ABLIM2: variants seen among roughly 807,000 people sequenced by gnomAD.
ABLIM2 encodes actin-binding LIM protein 2.
Under a neutral mutation model 97.7 loss-of-function variants are expected in ABLIM2, and 53 were observed. The ratio of observed to expected loss-of-function variants is 0.54; its 90% CI spans 0.44 to 0.68. ABLIM2 has a LOEUF of 0.68. Among genes scored for constraint, ABLIM2 ranks in the 30% least tolerant of loss-of-function variants. The pLI is 0.00. For synonymous variants in ABLIM2, 361 were observed against 345.8 expected (o/e 1.04, Z -0.49); for missense variants, 835 against 867.2 (o/e 0.96, Z 0.47).
Position 8,036,276 on chromosome 4 carries a change from A to T in ABLIM2, c.920T>A (p.Ile307Asn). 1.2e-6 allele frequency: 2 copies of T among 1,613,848 alleles called. No individual in the cohort carries two copies. The highest frequency in any genetic ancestry group is 1.7e-6 in the Non-Finnish European group (2 of 1,179,788). ...GGCTGCCAAGTCCCTGTAGTCCAGG[A>T]TCTCACCACCAAGCTTGGCCTGAGA... ...RVIYAKLGGE[I>N]LDYRDLAALP... Residue 307 changes from isoleucine to asparagine, a missense_variant, in exon 10 of 21, where the codon ATC (isoleucine) becomes AAC (asparagine). Transcript: ENST00000447017.
At position 8,097,272 on chromosome 4, in the gene ABLIM2, G is replaced by A. The variant is rs1336647015; in HGVS notation, c.165C>T (p.Cys55=). The change falls in exon 3 of 21, where the codon TGC becomes TGT. Residue 55 remains cysteine, a synonymous_variant. Transcript: ENST00000447017. ...CGAAGAAGCCGCCCTCGGCCAGGTC[G>A]CAGCCACATGCTGGGGGAGGACGGG... ...IKCFVCKACG[C]DLAEGGFFVR... The A allele has an allele frequency of 3.2e-6, 5 of 1,560,912 alleles. No homozygotes were observed. Among genetic ancestry groups the A allele is most frequent in the African/African-American group, 2.7e-5 (2 of 73,374 alleles).
intron 2 of ABLIM2, among the ~76,000 whole-genome samples, chr4:8,100,377 C>A (rs534567959): frequency 7.9e-5 from 12 of 152,276 alleles, no homozygotes; most frequent in Non-Finnish European, 1.6e-4. Context: ...AAGTTACTTA[C>A]CCTCTCTGAA....
In ABLIM2 at chr4:8,070,689, C is replaced by T. The variant is rs373188899; in HGVS notation, c.675+6939G>A. On this transcript the variant is annotated intron_variant, in intron 6 of 20. Transcript: ENST00000447017. ...CCCTGTGGCAGGGATCTGTCACCTG[C>T]GTCTCTGTGAACCCAGCATCTAGCC... Among the ~76,000 whole-genome samples, 13 of 152,204 alleles carry T rather than the reference C, an allele frequency of 8.5e-5. No individual in the cohort carries two copies. The South Asian group carries it at 2.1e-3, about 24-fold the overall frequency.
chr4:8,137,633 C>T (rs899225663), intron 1 of ABLIM2, among the ~76,000 whole-genome samples: 15 of 152,258 alleles, frequency 9.9e-5, no homozygotes, highest in Non-Finnish European at 4.4e-5. Flanking sequence ...CACGTCGCAG[C>T]CCCTCAGCCA....
At chr4:8,141,700 G>C (rs1851011470) in intron 1 of ABLIM2, among the ~76,000 whole-genome samples, 1 of 152,186 alleles carries the variant, frequency 6.6e-6, no homozygotes, top group Non-Finnish European at 1.5e-5. Context: ...AGCCAGTTAT[G>C]CTTGATATTA....
Position 8,085,216 on chromosome 4 carries a change from G to C in ABLIM2, c.454+2953C>G, listed in dbSNP as rs1822632123. Among the ~76,000 whole-genome samples, 1 of 152,018 alleles carries C rather than the reference G, an allele frequency of 6.6e-6. No homozygotes were observed. The highest frequency in any genetic ancestry group is 1.5e-5 in the Non-Finnish European group (1 of 67,972). On this transcript the variant is annotated intron_variant, in intron 4 of 20. Transcript: ENST00000447017. The surrounding 1 kb of genome is among the most constrained non-coding windows in gnomAD (Gnocchi z 6.1). The stretch of plus-strand genomic sequence containing the variant: ...CAGCCACTCTCCCCTCCCCAGGGAG[G>C]GGCAGCCACACAGGCAGCCATGTGA...
At chr4:7,982,860 C>T (rs955068481) in intron 20 of ABLIM2, among the ~76,000 whole-genome samples, 14 of 152,156 alleles carry the variant, frequency 9.2e-5, no homozygotes, top group South Asian at 2.1e-4. Flanking sequence ...CCTGCCACCA[C>T]GCCCACCTAA....
chr4:8,150,883 CTGA>C lies in ABLIM2; in HGVS notation c.10+7794_10+7796del, dbSNP rs2152957664. On this transcript the variant is annotated intron_variant, in intron 1 of 20. Coordinates refer to ENST00000447017, the MANE Select transcript of ABLIM2 (RefSeq NM_001130083.2). The surrounding 1 kb of genome is among the most constrained non-coding windows in gnomAD (Gnocchi z 6.3). ...GCTATGAACCCAGCCTAGGGTGTGGCTGATGATGCCAAAGCGGCTCCCACGGGG... is the reference window on the plus strand; with the variant it reads ...GCTATGAACCCAGCCTAGGGTGTGGCTGATGCCAAAGCGGCTCCCACGGGG... 6.6e-6 allele frequency among the ~76,000 whole-genome samples: 1 copy of C among 152,264 alleles called. No individual in the cohort carries two copies. The highest frequency in any genetic ancestry group is 2.4e-5 in the African/African-American group (1 of 41,560).
chr4:8,056,887 G>C (rs1303598859), intron 7 of ABLIM2, among the ~76,000 whole-genome samples: 1 of 125,042 alleles, frequency 8.0e-6, no homozygotes, highest in African/African-American at 3.1e-5. Flanking sequence ...AGCCAAGATC[G>C]CACCACTGCA....
At chr4:8,025,873 G>A (rs538055805) in intron 12 of ABLIM2, among the ~76,000 whole-genome samples, 33 of 152,276 alleles carry the variant, frequency 2.2e-4, no homozygotes, top group African/African-American at 5.5e-4. Context: ...GTGCCCTGCC[G>A]TGACTCACCC....
intron 15 of ABLIM2, 85 bp downstream of exon 15, chr4:8,008,965 C>A: frequency 1.3e-6 from 2 of 1,491,358 alleles, no homozygotes; most frequent in South Asian, 1.1e-5. Flanking sequence ...GAGGAAGATT[C>A]GAAGTCTCAA....
chr4:8,138,972 G>T (rs1269473931), intron 1 of ABLIM2, among the ~76,000 whole-genome samples: 1 of 152,218 alleles, frequency 6.6e-6, no homozygotes, highest in East Asian at 1.9e-4. Flanking sequence ...CTAGGTGGGT[G>T]GATCACCTGA....
At chr4:7,973,516 G>C (rs1472118598) in intron 20 of ABLIM2, among the ~76,000 whole-genome samples, 1 of 150,962 alleles carries the variant, frequency 6.6e-6, no homozygotes, top group Non-Finnish European at 1.5e-5. Context: ...AAAAAAAAGA[G>C]AGAAAAAAAA....
rs6447849 is a variant in ABLIM2, at chr4:8,082,833, C to T, written c.455-2031G>A. Among the ~76,000 whole-genome samples, 55,395 of 152,112 alleles carry T rather than the reference C, an allele frequency of 0.36. 11,677 individuals carry two copies. The highest frequency in any genetic ancestry group is 0.49 in the South Asian group (2,367 of 4,806). The stretch of plus-strand genomic sequence containing the variant: ...GCGACCCCCACATCACCCAATCTGC[C>T]GCGCTCCTTCCTGTGTCTCTGCAGA... On this transcript the variant is annotated intron_variant, in intron 4 of 20. Coordinates refer to ENST00000447017, the MANE Select transcript of ABLIM2 (RefSeq NM_001130083.2). The surrounding 1 kb of genome is among the most constrained non-coding windows in gnomAD (Gnocchi z 5.6).
rs1812946274 is a variant in ABLIM2 at position 8,072,518 on chromosome 4, C to T, written c.675+5110G>A. ...CAGCAGCAACAGCCGCAGCTGACTGCACCCAAGATACACCCCACTTTAGGC... is the reference window on the plus strand; with the variant it reads ...CAGCAGCAACAGCCGCAGCTGACTGTACCCAAGATACACCCCACTTTAGGC... On this transcript the variant is annotated intron_variant, in intron 6 of 20. Transcript: ENST00000447017. This position sits in a 1 kb window ranked among gnomAD's most constrained non-coding sequence, Gnocchi z 5.8. Among the ~76,000 whole-genome samples the T allele has an allele frequency of 6.6e-6, 1 of 152,246 alleles. No homozygotes were observed. Among genetic ancestry groups the T allele is most frequent in the Non-Finnish European group, 1.5e-5 (1 of 68,040 alleles).
At chr4:8,042,447 A>C (rs989407674) in intron 9 of ABLIM2, among the ~76,000 whole-genome samples, 3 of 152,224 alleles carry the variant, frequency 2.0e-5, no homozygotes, top group Non-Finnish European at 4.4e-5. Flanking sequence ...GCATCTGAGC[A>C]GACGGCCCTG....
chr4:8,034,521 GGGTGGGT>G (rs1783024953), intron 10 of ABLIM2, among the ~76,000 whole-genome samples: 1 of 51,784 alleles, frequency 1.9e-5, no homozygotes. Flanking sequence ...GGGTGCAGGT[GGGTGGGT>G]GGTAGGTAGG....
rs10938693 is a variant in ABLIM2, at chr4:8,120,802, A to C, written c.11-14165T>G. Among the ~76,000 whole-genome samples the C allele has an allele frequency of 0.51, 77,349 of 152,000 alleles. 21,379 individuals are homozygous for C. The highest frequency in any genetic ancestry group is 0.69 in the South Asian group (3,351 of 4,822). ...CCTAGCGACCATCACAGCTCAGCCCAGCCTACCGGAAACATGCTCAGAACA... is the reference window on the plus strand; with the variant it reads ...CCTAGCGACCATCACAGCTCAGCCCCGCCTACCGGAAACATGCTCAGAACA... On this transcript the variant is annotated intron_variant, in intron 1 of 20. Coordinates refer to ENST00000447017, the MANE Select transcript of ABLIM2 (RefSeq NM_001130083.2). The surrounding 1 kb of genome is among the most constrained non-coding windows in gnomAD (Gnocchi z 5.6).
chr4:8,048,003 AC>A (rs1298856825), intron 8 of ABLIM2, among the ~76,000 whole-genome samples: 6 of 152,224 alleles, frequency 3.9e-5, no homozygotes, highest in Non-Finnish European at 8.8e-5. Flanking sequence ...ACAGCCTCCA[AC>A]TGTGCCTTGG....
Sources: allele counts gnomAD v4.1 joint callset (sites outside exome capture counted in the v4.1 genomes callset), GRCh38; gene constraint gnomAD v4.1.1; non-coding constraint Gnocchi (gnomAD v3.1); transcripts MANE v1.5; gene names NCBI Gene and HGNC (gene_info 2026-07-23, HGNC 2026-07-21).